The following THSD4 variants were observed in gnomAD, a reference collection of about 807,000 sequenced individuals.
THSD4 encodes thrombospondin type 1 domain containing 4.
THSD4 carries 69 observed loss-of-function variants against 119.0 expected under a neutral mutation model. The ratio of observed to expected loss-of-function variants is 0.58; its 90% CI spans 0.48 to 0.71. THSD4 has a LOEUF of 0.71. THSD4 is among the 30% of genes least tolerant of loss of function. The probability of loss-of-function intolerance (pLI) is 0.00; values close to 1 mark genes in which losing one functional copy is unlikely to be tolerated. For missense variants in THSD4, 1,393 were observed against 1,391.1 expected (o/e 1.00, Z -0.02); for synonymous variants, 524 against 540.4 (o/e 0.97, Z 0.42).
At chr15:71,602,587 A>T (rs1192224852) in intron 7 of THSD4, among the ~76,000 whole-genome samples, 3 of 151,376 alleles carry the variant, frequency 2.0e-5, no homozygotes, top group Admixed American at 1.3e-4. Context: ...AAAATGAAAA[A>T]GAAAAACAGT....
chr15:71,320,317 A>G (rs1449831025), intron 6 of THSD4, among the ~76,000 whole-genome samples: 1 of 152,230 alleles, frequency 6.6e-6, no homozygotes, highest in Non-Finnish European at 1.5e-5. Context: ...TAAAGACTGC[A>G]AGTTAACCCA....
chr15:71,383,976 G>C (rs1346385451), intron 6 of THSD4, among the ~76,000 whole-genome samples: 2 of 152,158 alleles, frequency 1.3e-5, no homozygotes, highest in Non-Finnish European at 2.9e-5. Flanking sequence ...AGGAATGACT[G>C]TATTTGAGAG....
intron 6 of THSD4, among the ~76,000 whole-genome samples, chr15:71,284,745 A>G (rs894939927): frequency 1.3e-5 from 2 of 152,170 alleles, no homozygotes; most frequent in African/African-American, 4.8e-5. Context: ...AAAGTTTCCT[A>G]AATAAGTCAA....
At chr15:71,105,092 T>C (rs1353507570) in intron 1 of THSD4, among the ~76,000 whole-genome samples, 1 of 152,098 alleles carries the variant, frequency 6.6e-6, no homozygotes, top group African/African-American at 2.4e-5. Context: ...TTTTTAAGGA[T>C]TTTCTAGGGT....
At chr15:71,297,400 A>G (rs1434784978) in intron 6 of THSD4, among the ~76,000 whole-genome samples, 3 of 151,076 alleles carry the variant, frequency 2.0e-5, no homozygotes, top group East Asian at 2.0e-4. Flanking sequence ...CAGTGGCGCA[A>G]TCTCAGCTCA....
rs2044322360 is a variant in THSD4 at position 71,256,749 on chromosome 15, A to T, written c.1015+34A>T. 5 of 1,583,706 alleles carry T rather than the reference A, an allele frequency of 3.2e-6. No homozygotes were observed. In the South Asian group the frequency reaches 5.6e-5, roughly 18 times the overall value. ...AGACCCAGCCCTGTCCATAGAAGTT[A>T]CTTTAGTCTGTTTTCCATTCTTGTT... On this transcript the variant is annotated intron_variant, in intron 6 of 17. Coordinates refer to ENST00000261862, the MANE Select transcript of THSD4 (RefSeq NM_024817.3).
chr15:71,727,553 A>AAAAAAAATACATAT (rs2052875274), intron 8 of THSD4, among the ~76,000 whole-genome samples: 1 of 122,830 alleles, frequency 8.1e-6, no homozygotes, highest in African/African-American at 3.9e-5. Flanking sequence ...AAAAAAAAAA[A>AAAAAAAATACATAT]ATATATATAT....
At chr15:71,725,735 GA>G (rs771503611) in intron 8 of THSD4, among the ~76,000 whole-genome samples, 6 of 152,184 alleles carry the variant, frequency 3.9e-5, no homozygotes, top group Non-Finnish European at 7.3e-5. Flanking sequence ...GATGGAGGCA[GA>G]AGCCAGATTG....
At chr15:71,172,677 CTATACATATA>C (rs2043382921) in intron 3 of THSD4, among the ~76,000 whole-genome samples, 3 of 22,150 alleles carry the variant, frequency 1.4e-4, no homozygotes, top group African/African-American at 3.7e-4. Context: ...GAAAATAGAC[CTATACATATA>C]TATATATATA....
At chr15:71,111,439 G>T (rs753839276), upstream of THSD4, 1 of 1,587,438 alleles carries the variant, frequency 6.3e-7, no homozygotes, top group East Asian at 2.3e-5. Context: ...GGAGGAGGAA[G>T]AAAAAGGACT....
intron 8 of THSD4, among the ~76,000 whole-genome samples, chr15:71,683,013 CT>C (rs2051828672): frequency 6.6e-6 from 1 of 150,966 alleles, no homozygotes; most frequent in South Asian, 2.1e-4. Flanking sequence ...CTCAACCCCC[CT>C]GGGCTCAAGA....
chr15:71,528,532 A>G (rs1328151903), intron 7 of THSD4, among the ~76,000 whole-genome samples: 2 of 152,184 alleles, frequency 1.3e-5, no homozygotes, highest in Non-Finnish European at 2.9e-5. Flanking sequence ...CTCATCTGGA[A>G]AATGGAAATA....
Position 71,242,823 on chromosome 15 carries a change from A to G in THSD4, c.639A>G (p.Ser213=). 3.7e-6 allele frequency: 6 copies of G among 1,614,136 alleles called. No homozygotes were observed. The highest frequency in any genetic ancestry group is 4.2e-6 in the Non-Finnish European group (5 of 1,180,014). The part of the protein sequence containing the change: ...GASSARHGYS[S]PAHQVPQHGP... ...CTTCTGCTAGGCATGGCTACAGTTC[A>G]CCAGCCCACCAGGTCCCCCAACATG... Residue 213 remains serine (S), a synonymous_variant, in exon 5 of 18, where the codon TCA becomes TCG. Transcript: ENST00000261862.
At chr15:71,318,083 G>C (rs1199374273) in intron 6 of THSD4, among the ~76,000 whole-genome samples, 1 of 152,146 alleles carries the variant, frequency 6.6e-6, no homozygotes, top group Non-Finnish European at 1.5e-5. Context: ...CAGTAGGGAA[G>C]GGAGGAAGGA....
intron 7 of THSD4, among the ~76,000 whole-genome samples, chr15:71,645,235 AT>A (rs2050945121): frequency 6.6e-6 from 1 of 152,150 alleles, no homozygotes; most frequent in African/African-American, 2.4e-5. Context: ...TCTGCAATTT[AT>A]AAAGGAAAGA....
chr15:71,170,116 G>A (rs1306941469), intron 3 of THSD4, among the ~76,000 whole-genome samples: 1 of 151,306 alleles, frequency 6.6e-6, no homozygotes, highest in Non-Finnish European at 1.5e-5. Flanking sequence ...GGAAGTTGCA[G>A]TGAGCCGAGA....
intron 4 of THSD4, among the ~76,000 whole-genome samples, chr15:71,236,312 G>A (rs1202859650): frequency 6.6e-6 from 1 of 152,234 alleles, no homozygotes. Flanking sequence ...GCTGCTGACA[G>A]CTTTGCCTGG....
At chr15:71,283,206 C>T (rs2044677257) in intron 6 of THSD4, among the ~76,000 whole-genome samples, 3 of 152,068 alleles carry the variant, frequency 2.0e-5, no homozygotes, top group South Asian at 4.1e-4. Flanking sequence ...CCTGATGTCA[C>T]GATCCGCCAG....
At position 71,748,457 on chromosome 15, in the gene THSD4, G is replaced by A. The variant is rs1344120276; in HGVS notation, c.2278G>A (p.Asp760Asn). Reference sequence around the variant, plus strand: ...CTGCGGCGTGGGACAGAGGACCCGTGATGTGAAGTGTGTGAGCAACATTGG... The same window carrying A: ...CTGCGGCGTGGGACAGAGGACCCGTAATGTGAAGTGTGTGAGCAACATTGG... Reference protein sequence around the residue: ...VPCGVGQRTRDVKCVSNIGDV... With the variant: ...VPCGVGQRTRNVKCVSNIGDV... Residue 760 changes from aspartate to asparagine, a missense_variant, in exon 14 of 18, where the codon GAT becomes AAT. Coordinates refer to ENST00000261862, the MANE Select transcript of THSD4 (RefSeq NM_024817.3). The A allele has an allele frequency of 6.2e-7, 1 of 1,614,092 alleles. No homozygotes were observed. Among genetic ancestry groups the A allele is most frequent in the Non-Finnish European group, 8.5e-7 (1 of 1,180,052 alleles).
Sources: gnomAD v4.1 joint callset for allele counts (sites outside exome capture counted in the v4.1 genomes callset) on GRCh38, gnomAD v4.1.1 for gene constraint, MANE v1.5 for transcripts, NCBI Gene and HGNC (gene_info 2026-07-23, HGNC 2026-07-21) for gene names.